LHFPL2: variants seen among roughly 807,000 people sequenced by gnomAD.
The protein encoded by LHFPL2 is LHFPL tetraspan subfamily member 2.
LHFPL2 carries 7 observed loss-of-function variants against 17.5 expected under a neutral mutation model. That is an observed-to-expected ratio of 0.40 (90% CI 0.23 to 0.75). The LOEUF (loss-of-function observed/expected upper bound fraction) is 0.75. Among genes scored for constraint, LHFPL2 ranks in the 30% least tolerant of loss-of-function variants. The pLI is 0.37. For missense variants in LHFPL2, 241 were observed against 294.8 expected (o/e 0.82, Z 1.34); for synonymous variants, 134 against 116.2 (o/e 1.15, Z -0.99).
intron 2 of LHFPL2, among the ~76,000 whole-genome samples, chr5:78,623,102 A>G (rs778392283): frequency 4.6e-5 from 7 of 152,226 alleles, no homozygotes; most frequent in Non-Finnish European, 8.8e-5. Context: ...GCAAATTCTT[A>G]CAAAATAACC....
In LHFPL2 at chr5:78,604,761, A is replaced by G. The variant is rs115337733; in HGVS notation, c.-245+27503T>C. Among the ~76,000 whole-genome samples the G allele has an allele frequency of 4.4e-3, 668 of 152,296 alleles. 5 individuals carry two copies. The highest frequency in any genetic ancestry group is 0.015 in the African/African-American group (628 of 41,564). On this transcript the variant is annotated intron_variant, in intron 2 of 4. Transcript: ENST00000380345. ...GACGGCTGGCTTTAAAATAAAGTTG[A>G]CAGTATCTCTGGGGAAAGTAACAAG...
At chr5:78,629,858 TACAC>T (rs1380189799) in intron 2 of LHFPL2, among the ~76,000 whole-genome samples, 1 of 152,112 alleles carries the variant, frequency 6.6e-6, no homozygotes, top group African/African-American at 2.4e-5. Flanking sequence ...GTATTAAAAA[TACAC>T]ACACACCCTG....
At chr5:78,550,554 T>TTTTA (rs1470288948) in intron 3 of LHFPL2, among the ~76,000 whole-genome samples, 2 of 134,764 alleles carry the variant, frequency 1.5e-5, no homozygotes, top group Non-Finnish European at 3.5e-5. Context: ...TTTACTTCTG[T>TTTTA]TTTATTTATT....
Position 78,541,104 on chromosome 5 carries a change from T to G in LHFPL2, c.-186+23709A>C, listed in dbSNP as rs183635508. The stretch of plus-strand genomic sequence containing the variant: ...TCCCACTTAGAAGATAACTTGTCCC[T>G]TAATTAACTGCTTGATGTATCACCA... On this transcript the variant is annotated intron_variant, in intron 3 of 4. Transcript: ENST00000380345. 2.2e-4 allele frequency among the ~76,000 whole-genome samples: 34 copies of G among 152,302 alleles called. 1 individual carries two copies. The highest frequency in any genetic ancestry group is 2.2e-3 in the Admixed American group (33 of 15,302).
intron 3 of LHFPL2, among the ~76,000 whole-genome samples, chr5:78,559,272 C>T (rs955541586): frequency 2.0e-5 from 3 of 152,172 alleles, no homozygotes; most frequent in East Asian, 1.9e-4. Context: ...AGTTAAGCCC[C>T]CATTCACTCT....
intron 2 of LHFPL2, among the ~76,000 whole-genome samples, chr5:78,581,948 A>G (rs1339348297): frequency 2.6e-5 from 4 of 152,186 alleles, no homozygotes; most frequent in African/African-American, 9.7e-5. Context: ...TAAGCTATTG[A>G]TTATTGCCAC....
chr5:78,491,422 C>A (rs1044695972), intron 4 of LHFPL2: 8 of 152,344 alleles, frequency 5.3e-5, no homozygotes, highest in Non-Finnish European at 1.2e-4. Context: ...GCAGCCAGTT[C>A]CCCCAAGGCT....
At chr5:78,547,893 A>G (rs1161048413) in intron 3 of LHFPL2, among the ~76,000 whole-genome samples, 1 of 152,258 alleles carries the variant, frequency 6.6e-6, no homozygotes, top group Non-Finnish European at 1.5e-5. Context: ...GCTGGAGCCA[A>G]CCAACAAAAT....
At chr5:78,576,111 C>T (rs1433697972) in intron 2 of LHFPL2, among the ~76,000 whole-genome samples, 3 of 152,036 alleles carry the variant, frequency 2.0e-5, no homozygotes, top group Non-Finnish European at 4.4e-5. Context: ...CTGGCTAACA[C>T]GGTGAAACCC....
At chr5:78,584,532 G>A (rs1743291023) in intron 2 of LHFPL2, among the ~76,000 whole-genome samples, 3 of 152,256 alleles carry the variant, frequency 2.0e-5, no homozygotes, top group South Asian at 4.1e-4. Context: ...GTCTGTTGGA[G>A]TACCGGGCCG....
chr5:78,620,405 A>G (rs1028461004), intron 2 of LHFPL2, among the ~76,000 whole-genome samples: 3 of 151,990 alleles, frequency 2.0e-5, no homozygotes, highest in Admixed American at 6.6e-5. Context: ...TTTTAAATTT[A>G]TTCAATCATA....
intron 3 of LHFPL2, among the ~76,000 whole-genome samples, chr5:78,511,679 C>T (rs1755132426): frequency 6.6e-6 from 1 of 152,194 alleles, no homozygotes; most frequent in South Asian, 2.1e-4. Context: ...GCTTAAAATG[C>T]CCGTTTCTAC....
At chr5:78,633,923 C>T (rs1163171794) in intron 1 of LHFPL2, among the ~76,000 whole-genome samples, 7 of 152,044 alleles carry the variant, frequency 4.6e-5, no homozygotes, top group East Asian at 1.9e-4. Context: ...ACAGTGAGGT[C>T]GCCCTGGAAG....
rs934451618 is a variant in LHFPL2 at position 78,648,489 on chromosome 5, T to A, written c.-350+10A>T. 3 of 151,534 alleles carry A rather than the reference T, an allele frequency of 2.0e-5. No homozygotes were observed. Among genetic ancestry groups the A allele is most frequent in the African/African-American group, 7.3e-5 (3 of 41,254 alleles). The allele number at this position is 151,534 out of a possible 1,614,324, so 9.4% of individuals were successfully genotyped here. A position where few individuals can be genotyped will look rare whatever the true frequency, so the allele number is the denominator to read the frequency against. On this transcript the variant is annotated intron_variant, in intron 1 of 4. Coordinates refer to ENST00000380345, the MANE Select transcript of LHFPL2 (RefSeq NM_005779.3). This position sits in a 1 kb window ranked among gnomAD's most constrained non-coding sequence, Gnocchi z 5.4. Reference sequence around the variant, plus strand: ...CCGCAGCGCGCGCGGGCCCGACGCCTGCCACTCACCCGGCCCCAGCTCGGC... The same window carrying A: ...CCGCAGCGCGCGCGGGCCCGACGCCAGCCACTCACCCGGCCCCAGCTCGGC...
At chr5:78,545,073 T>C (rs1353220400) in intron 3 of LHFPL2, among the ~76,000 whole-genome samples, 1 of 152,160 alleles carries the variant, frequency 6.6e-6, no homozygotes, top group Non-Finnish European at 1.5e-5. Context: ...CAACCGCCAC[T>C]TTGAGACAGA....
At chr5:78,504,455 G>A (rs1298569765) in intron 4 of LHFPL2, among the ~76,000 whole-genome samples, 1 of 152,130 alleles carries the variant, frequency 6.6e-6, no homozygotes, top group Non-Finnish European at 1.5e-5. Context: ...GAGTGAATGA[G>A]TAGGGCATGA....
intron 4 of LHFPL2, among the ~76,000 whole-genome samples, chr5:78,509,417 T>G (rs985017299): frequency 1.1e-4 from 16 of 152,248 alleles, no homozygotes; most frequent in African/African-American, 2.9e-4. Flanking sequence ...GGACTCACGC[T>G]CTCCATAATT....
At chr5:78,593,283 C>T (rs969458338) in intron 2 of LHFPL2, among the ~76,000 whole-genome samples, 1 of 152,202 alleles carries the variant, frequency 6.6e-6, no homozygotes, top group South Asian at 2.1e-4. Context: ...ATTTCACAGC[C>T]CTCAAGTAAG....
intron 2 of LHFPL2, among the ~76,000 whole-genome samples, chr5:78,586,289 G>A (rs1046902413): frequency 3.3e-5 from 5 of 152,194 alleles, no homozygotes; most frequent in Non-Finnish European, 2.9e-5. Context: ...TACGTGAGAT[G>A]ATTTCACAGT....
Sources: gnomAD v4.1 joint callset for allele counts (sites outside exome capture counted in the v4.1 genomes callset) on GRCh38, gnomAD v4.1.1 for gene constraint, Gnocchi (gnomAD v3.1) non-coding constraint, MANE v1.5 for transcripts, NCBI Gene and HGNC (gene_info 2026-07-23, HGNC 2026-07-21) for gene names.